UGT1A10: variants seen among roughly 807,000 people sequenced by gnomAD.
The protein encoded by UGT1A10 is UDP glucuronosyltransferase family 1 member A10.
In UGT1A10, 49 loss-of-function variants were observed where a neutral mutation model predicts 45.8. That is an observed-to-expected ratio of 1.07 (90% CI 0.85 to 1.36). UGT1A10 has a LOEUF of 1.36. UGT1A10 is among the 40% of genes most tolerant of loss of function. The pLI is 0.00. For synonymous variants in UGT1A10, 284 were observed against 249.7 expected, an observed-to-expected ratio of 1.14 and a Z score of -1.29; for missense variants, 745 against 668.6, an observed-to-expected ratio of 1.11 and a Z score of -1.26.
intron 1 of UGT1A10, chr2:233,747,716 T>C: frequency 6.2e-7 from 1 of 1,613,280 alleles, no homozygotes; most frequent in Non-Finnish European, 8.5e-7. Context: ...TATCAATTCC[T>C]GCTGTGTTTT....
chr2:233,722,026 G>T, intron 1 of UGT1A10: 1 of 245,738 alleles, frequency 4.1e-6, no homozygotes, highest in Non-Finnish European at 8.2e-6. Context: ...GAAACCTCTT[G>T]AATTGCATGA....
At chr2:233,748,116 G>A in intron 1 of UGT1A10, 1 of 1,611,622 alleles carries the variant, frequency 6.2e-7, no homozygotes, top group Admixed American at 1.7e-5. Flanking sequence ...AATGTTCCAG[G>A]CAAAACAGTT....
chr2:233,686,136 A>C (rs571767710), intron 1 of UGT1A10, among the ~76,000 whole-genome samples: 1 of 152,306 alleles, frequency 6.6e-6, no homozygotes, highest in East Asian at 1.9e-4. Context: ...TCATATATAA[A>C]AATTAACTTG....
intron 1 of UGT1A10, among the ~76,000 whole-genome samples, chr2:233,731,547 T>A (rs548605747): frequency 6.6e-6 from 1 of 152,218 alleles, no homozygotes; most frequent in Non-Finnish European, 1.5e-5. Flanking sequence ...TGGTTTTCTG[T>A]CCATGTGATA....
intron 1 of UGT1A10, among the ~76,000 whole-genome samples, chr2:233,702,022 CA>C (rs999993314): frequency 8.6e-5 from 13 of 150,360 alleles, no homozygotes; most frequent in Admixed American, 3.3e-4. Context: ...AATAGAGACA[CA>C]AAAAAAAACC....
chr2:233,755,325 G>T, intron 1 of UGT1A10: 1 of 473,384 alleles, frequency 2.1e-6, no homozygotes, highest in Non-Finnish European at 3.6e-6. Flanking sequence ...AAGGCTGCCA[G>T]CACCCGCGCA....
intron 1 of UGT1A10, among the ~76,000 whole-genome samples, chr2:233,677,432 C>T (rs756650516): frequency 6.6e-6 from 1 of 152,048 alleles, no homozygotes; most frequent in African/African-American, 2.4e-5. Flanking sequence ...TACTAATAGC[C>T]AACTGTTTAC....
intron 1 of UGT1A10, among the ~76,000 whole-genome samples, chr2:233,671,359 C>A: frequency 6.6e-6 from 1 of 152,158 alleles, no homozygotes; most frequent in Non-Finnish European, 1.5e-5. Flanking sequence ...CTCATTTCAG[C>A]ATTTTAGAGG....
At chr2:233,711,742 C>A (rs1575496526) in intron 1 of UGT1A10, among the ~76,000 whole-genome samples, 1 of 152,196 alleles carries the variant, frequency 6.6e-6, no homozygotes. Context: ...GCAGACACGG[C>A]CAGGCATGTA....
intron 4 of UGT1A10, among the ~76,000 whole-genome samples, chr2:233,772,017 G>T (rs1484729268): frequency 7.9e-5 from 12 of 152,188 alleles, no homozygotes; most frequent in African/African-American, 9.7e-5. Context: ...GGAGGCTGAG[G>T]CAGGAGGATG....
At chr2:233,685,111 T>G (rs2074723100) in intron 1 of UGT1A10, among the ~76,000 whole-genome samples, 1 of 152,096 alleles carries the variant, frequency 6.6e-6, no homozygotes, top group African/African-American at 2.4e-5. Context: ...TCTTATTGAG[T>G]CTATCCAGGT....
At chr2:233,653,521 T>C (rs773301398) in intron 1 of UGT1A10, among the ~76,000 whole-genome samples, 2 of 152,234 alleles carry the variant, frequency 1.3e-5, no homozygotes, top group Non-Finnish European at 2.9e-5. Context: ...AGACTTATCA[T>C]GAGGTCAGTC....
chr2:233,718,505 ACAT>A (rs2076658456), intron 1 of UGT1A10, among the ~76,000 whole-genome samples: 1 of 152,230 alleles, frequency 6.6e-6, no homozygotes, highest in African/African-American at 2.4e-5. Context: ...GAAGGCAGTG[ACAT>A]GAAATGGGTG....
intron 1 of UGT1A10, among the ~76,000 whole-genome samples, chr2:233,670,302 A>G (rs2125499174): frequency 6.6e-6 from 1 of 152,292 alleles, no homozygotes; most frequent in Non-Finnish European, 1.5e-5. Context: ...AGGGGGAAGA[A>G]GTGGAGGAAG....
At chr2:233,646,029 A>G (rs916488361) in intron 1 of UGT1A10, among the ~76,000 whole-genome samples, 1 of 152,250 alleles carries the variant, frequency 6.6e-6, no homozygotes, top group Non-Finnish European at 1.5e-5. Flanking sequence ...AGCCTCTGAA[A>G]TCTAGGCAGA....
chr2:233,727,329 TC>T (rs2077605729), intron 1 of UGT1A10, among the ~76,000 whole-genome samples: 1 of 152,014 alleles, frequency 6.6e-6, no homozygotes, highest in Non-Finnish European at 1.5e-5. Context: ...CACCAGGAGC[TC>T]CTCCCTCCCC....
chr2:233,768,654 T>C (rs1699689633), intron 4 of UGT1A10, among the ~76,000 whole-genome samples: 2 of 149,892 alleles, frequency 1.3e-5, no homozygotes, highest in Non-Finnish European at 3.0e-5. Flanking sequence ...TGGTGCAATC[T>C]TGGCTTACTG....
intron 1 of UGT1A10, among the ~76,000 whole-genome samples, chr2:233,639,269 T>C (rs2073384820): frequency 6.6e-6 from 1 of 152,242 alleles, no homozygotes; most frequent in Non-Finnish European, 1.5e-5. Context: ...TGAAAGTTTT[T>C]ATAGTTTGCA....
In UGT1A10 at chr2:233,695,130, C is replaced by CTTTCTTTCTTTTT. The variant is rs1364557158; in HGVS notation, c.855+57756_855+57757insCTTTCTTTTTTTT. Among the ~76,000 whole-genome samples the CTTTCTTTCTTTTT allele has an allele frequency of 8.6e-5, 12 of 138,840 alleles. 1 individual carries two copies. Among genetic ancestry groups the CTTTCTTTCTTTTT allele is most frequent in the African/African-American group, 3.3e-4 (12 of 36,796 alleles). The allele number at this position is 138,840 out of a possible 152,430, so 91.1% of individuals were successfully genotyped here. A position where few individuals can be genotyped will look rare whatever the true frequency, so the allele number is the denominator to read the frequency against. On this transcript the variant is annotated intron_variant, in intron 1 of 4. Coordinates refer to ENST00000344644, the MANE Select transcript of UGT1A10 (RefSeq NM_019075.4). ...GCCCATTAACCAACCCTTTTCTTTT[C>CTTTCTTTCTTTTT]TTTTTTTTTTTTTTGAGACAGAGTC...
Sources: allele counts gnomAD v4.1 joint callset (sites outside exome capture counted in the v4.1 genomes callset), GRCh38; gene constraint gnomAD v4.1.1; transcripts MANE v1.5; gene names NCBI Gene and HGNC (gene_info 2026-07-23, HGNC 2026-07-21).